The following PDE5A variants were observed in gnomAD, a reference collection of about 807,000 sequenced individuals.
The protein encoded by PDE5A is cGMP-specific 3',5'-cyclic phosphodiesterase.
PDE5A carries 67 observed loss-of-function variants against 110.2 expected under a neutral mutation model. The observed-to-expected ratio is 0.61, with a 90% CI of 0.50 to 0.75. The LOEUF is 0.75. Ranked by LOEUF, PDE5A falls within the 30% of genes least tolerant of loss-of-function variation. PDE5A has a pLI of 0.00. For synonymous variants in PDE5A, 328 were observed against 351.2 expected (o/e 0.93, Z 0.74); for missense variants, 862 against 1,045.1 (o/e 0.82, Z 2.42).
At chr4:119,536,629 C>G (rs181959486) in intron 11 of PDE5A, among the ~76,000 whole-genome samples, 86 of 152,248 alleles carry the variant, frequency 5.6e-4, no homozygotes, top group Non-Finnish European at 7.9e-4. Flanking sequence ...CAATTAGTAT[C>G]TAAAGTTCAT....
intron 3 of PDE5A, among the ~76,000 whole-genome samples, chr4:119,592,487 AGC>A (rs1729013964): frequency 1.5e-5 from 2 of 136,952 alleles, no homozygotes; most frequent in Non-Finnish European, 3.1e-5. Flanking sequence ...AAAAAAAAAA[AGC>A]TGTGTTCTGG....
At chr4:119,628,272 C>A (rs974023423) in intron 1 of PDE5A, among the ~76,000 whole-genome samples, 2 of 83,528 alleles carry the variant, frequency 2.4e-5, no homozygotes, top group African/African-American at 3.7e-5. Context: ...CGGGGAATAC[C>A]AAGAGGGTCG....
Position 119,607,091 on chromosome 4 carries a change from C to A in PDE5A, c.359G>T (p.Gly120Val). The change falls in exon 2 of 21, where the codon GGA (glycine) becomes GTA (valine). Residue 120 changes from glycine to valine, a missense_variant. Physicochemically the swap from Gly to Val is moderately radical, Grantham distance 109. Coordinates refer to ENST00000354960, the MANE Select transcript of PDE5A (RefSeq NM_001083.4). Reference sequence around the variant, plus strand: ...TGAGTCAGAGAGGAAGCTCACAGTTCCCTCAGAATCCTTGACAACAATGGG... The same window carrying A: ...TGAGTCAGAGAGGAAGCTCACAGTTACCTCAGAATCCTTGACAACAATGGG... ...LRPIVVKDSE[G>V]TVSFLSDSEK... 6.2e-7 allele frequency: 1 copy of A among 1,614,134 alleles called. No individual in the cohort carries two copies. Among genetic ancestry groups the A allele is most frequent in the Non-Finnish European group, 8.5e-7 (1 of 1,180,014 alleles).
chr4:119,609,173 TA>T (rs969483414), intron 1 of PDE5A, among the ~76,000 whole-genome samples: 30 of 149,682 alleles, frequency 2.0e-4, no homozygotes, highest in African/African-American at 5.4e-4. Context: ...AAAAAAAAAA[TA>T]AAAAAAAATA....
At chr4:119,563,589 G>T (rs1292264054) in intron 5 of PDE5A, among the ~76,000 whole-genome samples, 1 of 152,094 alleles carries the variant, frequency 6.6e-6, no homozygotes, top group Non-Finnish European at 1.5e-5. Context: ...ATAGGGAAGA[G>T]AAATATTTCA....
intron 3 of PDE5A, among the ~76,000 whole-genome samples, chr4:119,578,517 C>T (rs1435488479): frequency 2.6e-5 from 4 of 152,130 alleles, no homozygotes; most frequent in Non-Finnish European, 5.9e-5. Context: ...AGAACAGAGC[C>T]CTCAGAAGTA....
rs78113357 is a variant in PDE5A, at chr4:119,596,899, T to A, written c.742-287A>T. On this transcript the variant is annotated intron_variant, in intron 2 of 20. Transcript: ENST00000354960. ...AATTCAAAATATTAACCACTTTAGA[T>A]AGCTGTACTTAAATTCAGGAAAAAG... Among the ~76,000 whole-genome samples, 49 of 152,272 alleles carry A rather than the reference T, an allele frequency of 3.2e-4. No homozygotes were observed. In the East Asian group the frequency reaches 8.7e-3, roughly 27 times the overall value.
At chr4:119,566,991 A>C in intron 4 of PDE5A, 82 bp downstream of exon 4, 1 of 921,190 alleles carries the variant, frequency 1.1e-6, no homozygotes, top group Admixed American at 2.1e-5. Flanking sequence ...CAATTTCAGC[A>C]ACAGCTAAAC....
chr4:119,590,059 T>C (rs1044408028), intron 3 of PDE5A, among the ~76,000 whole-genome samples: 2 of 152,198 alleles, frequency 1.3e-5, no homozygotes, highest in Admixed American at 6.5e-5. Context: ...CTCTTCTCTC[T>C]ATTATGACCC....
rs897363636 is a variant in PDE5A, at chr4:119,566,993, C to A, written c.903+80G>T. ...TTTGTGTGACCAACAATTTCAGCAA[C>A]AGCTAAACCTAGAGGTGTATATACT... On this transcript the variant is annotated intron_variant, in intron 4 of 20. Transcript: ENST00000354960. 4.3e-6 allele frequency: 4 copies of A among 935,718 alleles called. No individual in the cohort carries two copies. The South Asian group carries it at 4.3e-5, about 10-fold the overall frequency. 58.0% of individuals were successfully genotyped at this position (935,718 alleles called of 1,614,324 possible). A position where few individuals can be genotyped will look rare whatever the true frequency, so the allele number is the denominator to read the frequency against.
intron 9 of PDE5A, chr4:119,549,816 T>C (rs148203702): frequency 6.6e-6 from 1 of 152,158 alleles, no homozygotes; most frequent in African/African-American, 2.4e-5. Flanking sequence ...AAGAAAACAT[T>C]TGATACGAAA....
intron 13 of PDE5A, 26 bp from the exon 14 acceptor site, chr4:119,519,165 AAG>A: frequency 6.6e-7 from 1 of 1,523,642 alleles, no homozygotes; most frequent in East Asian, 2.3e-5. Context: ...CATTGGAGGA[AAG>A]AGAGAACAAA....
At chr4:119,555,801 C>T (rs991077448) in intron 7 of PDE5A, among the ~76,000 whole-genome samples, 5 of 152,060 alleles carry the variant, frequency 3.3e-5, no homozygotes, top group Admixed American at 6.6e-5. Context: ...CAACAAATAC[C>T]TGATACCTTA....
chr4:119,501,154 G>C lies in PDE5A; in HGVS notation c.2490+16C>G. The C allele has an allele frequency of 6.6e-7, 1 of 1,510,754 alleles. No individual in the cohort carries two copies. Among genetic ancestry groups the C allele is most frequent in the Non-Finnish European group, 9.2e-7 (1 of 1,086,618 alleles). 93.6% of individuals were successfully genotyped at this position (1,510,754 alleles called of 1,614,324 possible). A position where few individuals can be genotyped will look rare whatever the true frequency, so the allele number is the denominator to read the frequency against. ...CAGTCCAAGTTTAGCAAGTCTAGTA[G>C]TTTTCATATAAATACCTCATACAGT... On this transcript the variant is annotated intron_variant, in intron 20 of 20. Coordinates refer to ENST00000354960, the MANE Select transcript of PDE5A (RefSeq NM_001083.4).
intron 18 of PDE5A, among the ~76,000 whole-genome samples, chr4:119,503,554 T>G (rs748197395): frequency 2.0e-4 from 30 of 152,028 alleles, no homozygotes; most frequent in African/African-American, 3.4e-4. Flanking sequence ...TAATTTTGCT[T>G]CTTCTAATTT....
intron 20 of PDE5A, 72 bp from the exon 21 acceptor site, chr4:119,498,810 A>G: frequency 1.3e-6 from 2 of 1,510,360 alleles, no homozygotes; most frequent in Non-Finnish European, 1.8e-6. Flanking sequence ...GGCCTGTTAC[A>G]AAGGGCCACA....
At chr4:119,615,235 A>G (rs4834788) in intron 1 of PDE5A, among the ~76,000 whole-genome samples, 23,128 of 152,082 alleles carry the variant, frequency 0.15, 1,907 homozygotes, top group African/African-American at 0.2. Context: ...TCATTTTTAA[A>G]TAGGGGAAAA....
rs1441901905 is a variant in PDE5A, at chr4:119,627,856, T to A, written c.152+664A>T. 5.6e-6 allele frequency: 1 copy of A among 178,230 alleles called. No individual in the cohort carries two copies. The highest frequency in any genetic ancestry group is 1.1e-5 in the Non-Finnish European group (1 of 91,886). The allele number at this position is 178,230 out of a possible 1,614,324, so 11.0% of individuals were successfully genotyped here. ...GGTCCGCTCCAGGCGGCGCCTCCCCTGCGCCCTTTGTGTGCACGCCGCAAA... is the reference window on the plus strand; with the variant it reads ...GGTCCGCTCCAGGCGGCGCCTCCCCAGCGCCCTTTGTGTGCACGCCGCAAA... On this transcript the variant is annotated intron_variant, in intron 1 of 20. Coordinates refer to ENST00000354960, the MANE Select transcript of PDE5A (RefSeq NM_001083.4). The surrounding 1 kb of genome is among the most constrained non-coding windows in gnomAD (Gnocchi z 4.6).
intron 7 of PDE5A, among the ~76,000 whole-genome samples, chr4:119,558,884 T>TG: frequency 8.2e-6 from 1 of 122,150 alleles, no homozygotes; most frequent in East Asian, 2.6e-4. Flanking sequence ...GCCACTGCAC[T>TG]CCAGCCTGGG....
Sources: allele counts gnomAD v4.1 joint callset (sites outside exome capture counted in the v4.1 genomes callset), GRCh38; gene constraint gnomAD v4.1.1; non-coding constraint Gnocchi (gnomAD v3.1); transcripts MANE v1.5; gene names NCBI Gene and HGNC (gene_info 2026-07-23, HGNC 2026-07-21).